MAPT: variants seen among roughly 807,000 people sequenced by gnomAD.
MAPT encodes microtubule-associated protein tau.
MAPT carries 34 observed loss-of-function variants against 67.9 expected under a neutral mutation model. That is an observed-to-expected ratio of 0.50 (90% CI 0.38 to 0.67). The LOEUF is 0.67. Ranked by LOEUF, MAPT falls within the 30% of genes least tolerant of loss-of-function variation. The probability of loss-of-function intolerance (pLI) is 0.00; values close to 1 mark genes in which losing one functional copy is unlikely to be tolerated. For missense variants in MAPT, 881 were observed against 1,115.2 expected, an observed-to-expected ratio of 0.79 and a Z score of 2.99; for synonymous variants, 456 against 464.5, an observed-to-expected ratio of 0.98 and a Z score of 0.23.
chr17:46,002,272 C>T (rs1465890730), intron 9 of MAPT, among the ~76,000 whole-genome samples: 8 of 152,074 alleles, frequency 5.3e-5, no homozygotes, highest in Non-Finnish European at 2.9e-5. Flanking sequence ...AGGCTGTCGG[C>T]ATCTGCTGGG....
At chr17:45,993,961 GCC>G (rs1568299309) in intron 8 of MAPT, 1 of 1,575,316 alleles carries the variant, frequency 6.3e-7, no homozygotes, top group South Asian at 1.2e-5. Context: ...CCCCTGCAGG[GCC>G]CAGATCTGAG....
intron 3 of MAPT, chr17:45,974,500 C>A: frequency 6.4e-7 from 1 of 1,556,352 alleles, no homozygotes; most frequent in Non-Finnish European, 8.8e-7. Context: ...GACCCCCAGG[C>A]AGTCAAGGCC....
intron 1 of MAPT, among the ~76,000 whole-genome samples, chr17:45,936,281 A>C (rs2067318597): frequency 6.6e-6 from 1 of 152,122 alleles, no homozygotes; most frequent in African/African-American, 2.4e-5. Context: ...CCTGGTCCTC[A>C]AGGTCTTCCC....
intron 5 of MAPT, chr17:45,985,644 C>T: frequency 1.0e-6 from 1 of 984,796 alleles, no homozygotes; most frequent in South Asian, 4.7e-5. Context: ...TTGATTCTAC[C>T]TGCTAACATT....
chr17:45,925,758 C>T (rs1203998586), intron 1 of MAPT, among the ~76,000 whole-genome samples: 1 of 147,144 alleles, frequency 6.8e-6, no homozygotes, highest in East Asian at 1.9e-4. Flanking sequence ...TTTTAGAATG[C>T]ACAGGAAAAA....
At position 45,906,188 on chromosome 17, in the gene MAPT, G is replaced by A. The variant is rs2064296155; in HGVS notation, c.-18+11502G>A. On this transcript the variant is annotated intron_variant, in intron 1 of 12. Transcript: ENST00000262410. The surrounding 1 kb of genome is among the most constrained non-coding windows in gnomAD (Gnocchi z 4.3). ...TGACCTCAAGTGATTTCCAGCCCCT[G>A]CCAGTGCTGACTTCTCTGGGGAAGG... 6.6e-6 allele frequency among the ~76,000 whole-genome samples: 1 copy of A among 152,190 alleles called. No individual in the cohort carries two copies. Among genetic ancestry groups the A allele is most frequent in the Admixed American group, 6.5e-5 (1 of 15,284 alleles).
intron 5 of MAPT, chr17:45,985,791 G>T: frequency 1.1e-6 from 1 of 933,976 alleles, no homozygotes; most frequent in Non-Finnish European, 1.3e-6. Context: ...AGGTTCCCAG[G>T]TGCCACTTTA....
chr17:46,011,890 C>T (rs546117035), intron 10 of MAPT, among the ~76,000 whole-genome samples: 1 of 152,182 alleles, frequency 6.6e-6, no homozygotes, highest in East Asian at 1.9e-4. Context: ...AGGTAGCAAG[C>T]GCTTGCCCTG....
chr17:45,958,773 A>C (rs2145241558), intron 1 of MAPT, among the ~76,000 whole-genome samples: 1 of 152,172 alleles, frequency 6.6e-6, no homozygotes, highest in South Asian at 2.1e-4. Context: ...CTAGTAATTA[A>C]AACATCAGGC....
chr17:46,000,873 G>T (rs1023752765), intron 9 of MAPT, among the ~76,000 whole-genome samples: 2 of 152,266 alleles, frequency 1.3e-5, no homozygotes, highest in East Asian at 1.9e-4. Context: ...GCTCATCCCC[G>T]CCCTGTTTGG....
chr17:45,957,019 C>T (rs1282314317), intron 1 of MAPT, among the ~76,000 whole-genome samples: 2 of 151,930 alleles, frequency 1.3e-5, no homozygotes, highest in Non-Finnish European at 2.9e-5. Flanking sequence ...TGGGTTGGTT[C>T]CAAGTCTTTG....
chr17:46,015,116 C>T (rs77299423), intron 11 of MAPT, among the ~76,000 whole-genome samples: 1 of 152,184 alleles, frequency 6.6e-6, no homozygotes, highest in South Asian at 2.1e-4. Flanking sequence ...CAGTGGCTTA[C>T]GTCTGTAATC....
chr17:45,991,497 G>A lies in MAPT; in HGVS notation c.1643G>A (p.Gly548Glu), dbSNP rs1162456703. Reference protein sequence around the residue: ...DGKTKIATPRGAAPPGQKGQA... With the variant: ...DGKTKIATPREAAPPGQKGQA... ...AAAACGAAGATCGCCACACCGCGGGGAGCAGCCCCTCCAGGCCAGAAGGGC... is the reference window on the plus strand; with the variant it reads ...AAAACGAAGATCGCCACACCGCGGGAAGCAGCCCCTCCAGGCCAGAAGGGC... Residue 548 changes from glycine (G) to glutamate (E), a missense_variant, in exon 8 of 13, where the codon GGA becomes GAA. Transcript: ENST00000262410. 1 of 1,614,088 alleles carries A rather than the reference G, an allele frequency of 6.2e-7. No individual in the cohort carries two copies. The highest frequency in any genetic ancestry group is 1.7e-5 in the Admixed American group (1 of 60,012).
At chr17:45,982,800 G>A in intron 4 of MAPT, 66 bp from the exon 5 acceptor site, 1 of 861,068 alleles carries the variant, frequency 1.2e-6, no homozygotes, top group Non-Finnish European at 1.5e-6. Flanking sequence ...CCAGGATGAT[G>A]CTCCCTCTCT....
At chr17:46,023,330 AGAG>A (rs1336816665) in intron 12 of MAPT, among the ~76,000 whole-genome samples, 1 of 152,238 alleles carries the variant, frequency 6.6e-6, no homozygotes, top group African/African-American at 2.4e-5. Flanking sequence ...ATCCATCCAC[AGAG>A]GAGTAGATGC....
At chr17:46,019,163 A>T (rs558034431) in intron 12 of MAPT, among the ~76,000 whole-genome samples, 2 of 152,108 alleles carry the variant, frequency 1.3e-5, no homozygotes, top group Non-Finnish European at 2.9e-5. Flanking sequence ...GGCAAAGGAG[A>T]AGCAAAGGCA....
intron 1 of MAPT, among the ~76,000 whole-genome samples, chr17:45,935,078 T>C (rs893490706): frequency 1.2e-4 from 19 of 152,172 alleles, no homozygotes; most frequent in Non-Finnish European, 2.6e-4. Flanking sequence ...GGAGGGCTGC[T>C]ATATCCAAGA....
rs1268875714 is a variant in MAPT at position 45,940,869 on chromosome 17, A to G, written c.-17-21452A>G. Among the ~76,000 whole-genome samples the G allele has an allele frequency of 3.9e-5, 6 of 152,356 alleles. 1 individual carries two copies. The highest frequency in any genetic ancestry group is 4.8e-5 in the African/African-American group (2 of 41,580). ...GAGCTAGGTAACCACTTTAGGTGCTATCAAGGGGCTTTTTTCTTTAAAGTC... is the reference window on the plus strand; with the variant it reads ...GAGCTAGGTAACCACTTTAGGTGCTGTCAAGGGGCTTTTTTCTTTAAAGTC... On this transcript the variant is annotated intron_variant, in intron 1 of 12. Transcript: ENST00000262410.
At position 45,907,463 on chromosome 17, in the gene MAPT, G is replaced by T. The variant is rs557551972; in HGVS notation, c.-18+12777G>T. 1.1e-4 allele frequency among the ~76,000 whole-genome samples: 17 copies of T among 152,324 alleles called. 1 individual carries two copies. In the South Asian group the frequency reaches 3.5e-3, roughly 32 times the overall value. On this transcript the variant is annotated intron_variant, in intron 1 of 12. Coordinates refer to ENST00000262410, the MANE Select transcript of MAPT (RefSeq NM_001377265.1). ...TGCCCACAGGTTGCACGTCCTGTGAGGGCAAGGACTGTGTCTTATGTGACT... is the reference window on the plus strand; with the variant it reads ...TGCCCACAGGTTGCACGTCCTGTGATGGCAAGGACTGTGTCTTATGTGACT...
Sources: gnomAD v4.1 joint callset for allele counts (sites outside exome capture counted in the v4.1 genomes callset) on GRCh38, gnomAD v4.1.1 for gene constraint, Gnocchi (gnomAD v3.1) non-coding constraint, MANE v1.5 for transcripts, NCBI Gene and HGNC (gene_info 2026-07-23, HGNC 2026-07-21) for gene names.